Variants in TTLL12 observed in about 807,000 individuals in gnomAD.
TTLL12 encodes tubulin--tyrosine ligase-like protein 12.
In TTLL12, 77 loss-of-function variants were observed where a neutral mutation model predicts 79.6. That is an observed-to-expected ratio of 0.97 (90% CI 0.81 to 1.17). The LOEUF is 1.17. TTLL12 is among the 50% of genes most tolerant of loss of function. TTLL12 has a pLI of 0.00. For synonymous variants in TTLL12, 437 were observed against 376.1 expected, an observed-to-expected ratio of 1.16 and a Z score of -1.87; for missense variants, 969 against 895.9, an observed-to-expected ratio of 1.08 and a Z score of -1.04.
intron 1 of TTLL12, among the ~76,000 whole-genome samples, chr22:43,186,180 A>G (rs1228599849): frequency 7.0e-6 from 1 of 142,654 alleles, no homozygotes; most frequent in African/African-American, 2.7e-5. Context: ...GGTCCCAGCT[A>G]AAGAAAACAC....
At chr22:43,178,411 T>G (rs540831741) in intron 5 of TTLL12, among the ~76,000 whole-genome samples, 10 of 151,260 alleles carry the variant, frequency 6.6e-5, no homozygotes, top group African/African-American at 2.4e-4. Flanking sequence ...AAGCTCCGCC[T>G]CCTGGGTTCA....
In TTLL12 at chr22:43,175,837, T is replaced by TG. The variant is rs1187060499; in HGVS notation, c.917+482_917+483insC. 3.7e-5 allele frequency among the ~76,000 whole-genome samples: 5 copies of TG among 135,942 alleles called. No individual in the cohort carries two copies. The East Asian group carries it at 1.7e-3, about 46-fold the overall frequency. The allele number at this position is 135,942 out of a possible 152,430, so 89.2% of individuals were successfully genotyped here. ...ACAGGCGCCAGCCACCATGCCCTAC[T>TG]AATTTTTTTTTTTTTTTTTTTTGTA... On this transcript the variant is annotated intron_variant, in intron 6 of 13. Transcript: ENST00000216129.
At position 43,171,877 on chromosome 22, in the gene TTLL12, T is replaced by G. The variant is rs773659551; in HGVS notation, c.1517A>C (p.Asp506Ala). Reference sequence around the variant, plus strand: ...GACCGTGAAGTGCTTCTCGTAGTCATCCAGGTCGTTGAGTGCAAAGGCCCT... The same window carrying G: ...GACCGTGAAGTGCTTCTCGTAGTCAGCCAGGTCGTTGAGTGCAAAGGCCCT... ...SNRAFALNDL[D>A]DYEKHFTVMN... The change falls in exon 11 of 14, where the codon GAT becomes GCT. Residue 506 changes from aspartate (D) to alanine (A), a missense_variant. Coordinates refer to ENST00000216129, the MANE Select transcript of TTLL12 (RefSeq NM_015140.4). 21 of 1,614,052 alleles carry G rather than the reference T, an allele frequency of 1.3e-5. No individual in the cohort carries two copies. The highest frequency in any genetic ancestry group is 1.7e-5 in the Admixed American group (1 of 60,006).
Position 43,176,379 on chromosome 22 carries a change from G to A in TTLL12, c.858C>T (p.Asn286=). 3 of 1,605,976 alleles carry A rather than the reference G, an allele frequency of 1.9e-6. No individual in the cohort carries two copies. Among genetic ancestry groups the A allele is most frequent in the Non-Finnish European group, 2.5e-6 (3 of 1,177,278 alleles). Residue 286 remains asparagine (N), a synonymous_variant, in exon 6 of 14, where the codon AAC becomes AAT. Coordinates refer to ENST00000216129, the MANE Select transcript of TTLL12 (RefSeq NM_015140.4). ...AEHYQAILEE[N]KEKLPLDINP... ...TGATGTCAAGTGGCAGCTTCTCCTT[G>A]TTTTCCTCCAGAATGGCCTAAAAGG...
chr22:43,185,210 A>G (rs1423496539), intron 1 of TTLL12, among the ~76,000 whole-genome samples: 1 of 148,582 alleles, frequency 6.7e-6, no homozygotes, highest in African/African-American at 2.5e-5. Context: ...CCTGTGTGAC[A>G]GAGCAAGACT....
intron 6 of TTLL12, chr22:43,175,671 ATTTAT>A (rs1254794682): frequency 3.3e-5 from 5 of 151,780 alleles, no homozygotes; most frequent in South Asian, 2.1e-4. Flanking sequence ...TCAAAGATGA[ATTTAT>A]TTTATTTTTT....
intron 4 of TTLL12, 44 bp from the exon 5 acceptor site, chr22:43,179,796 C>T: frequency 1.3e-6 from 2 of 1,550,244 alleles, no homozygotes; most frequent in African/African-American, 1.4e-5. Context: ...TGACGGGACA[C>T]TGGGCTGAGG....
intron 13 of TTLL12, 124 bp from the exon 14 acceptor site, chr22:43,168,283 G>A (rs1931669733): frequency 3.7e-6 from 5 of 1,353,790 alleles, no homozygotes; most frequent in Admixed American, 2.6e-5. Context: ...CAGGGGATGA[G>A]CAGGACAAGG....
At position 43,174,061 on chromosome 22, in the gene TTLL12, C is replaced by T. The variant is rs550705423; in HGVS notation, c.1229+148G>A. On this transcript the variant is annotated intron_variant, in intron 8 of 13. Transcript: ENST00000216129. ...AAAAACCTGGAGAGGTCCTGCGGTC[C>T]GTGAAGACGGCCGTGACGTTCGGGG... The T allele has an allele frequency of 1.4e-4, 165 of 1,172,196 alleles. 2 individuals are homozygous for T. The South Asian group carries it at 1.9e-3, about 13-fold the overall frequency. 72.6% of individuals were successfully genotyped at this position (1,172,196 alleles called of 1,614,324 possible). A position where few individuals can be genotyped will look rare whatever the true frequency, so the allele number is the denominator to read the frequency against.
chr22:43,173,976 A>ACCCCTCCTTGTTTCC, intron 8 of TTLL12, 150 bp from the exon 9 acceptor site: 1 of 933,450 alleles, frequency 1.1e-6, no homozygotes, highest in Non-Finnish European at 1.6e-6. Flanking sequence ...GGCATGGGAA[A>ACCCCTCCTTGTTTCC]CAAGGAGGGG....
chr22:43,172,347 A>AC (rs1931787120), intron 10 of TTLL12, 56 bp downstream of exon 10: 1 of 1,597,324 alleles, frequency 6.3e-7, no homozygotes, highest in African/African-American at 1.3e-5. Context: ...CCCACCCGCT[A>AC]CCTCCACCCG....
At chr22:43,185,998 G>C in intron 1 of TTLL12, 1 of 985,478 alleles carries the variant, frequency 1.0e-6, no homozygotes, top group Non-Finnish European at 1.2e-6. Context: ...AGTCCAATCA[G>C]GATTACACAG....
intron 2 of TTLL12, among the ~76,000 whole-genome samples, chr22:43,181,996 GATGA>G (rs1932068725): frequency 1.5e-5 from 2 of 129,098 alleles, no homozygotes; most frequent in African/African-American, 2.7e-5. Flanking sequence ...GACTCAGGGG[GATGA>G]AGGCCCGGAA....
rs1287054041 is a variant in TTLL12 at position 43,174,558 on chromosome 22, G to A, written c.975C>T (p.Leu325=). ...ASSLTHPRFT[L]TQSEADADIL... is the part of the protein sequence containing the mutation. ...TGTCGGCGTCCGCCTCACTCTGGGT[G>A]AGGGTGAAGCGCGGGTGGGTGAGGC... is the stretch of plus-strand genomic sequence containing the variant. The change falls in exon 7 of 14, where the codon CTC becomes CTT. Residue 325 remains leucine (L), a synonymous_variant. Coordinates refer to ENST00000216129, the MANE Select transcript of TTLL12 (RefSeq NM_015140.4). 1.2e-6 allele frequency: 2 copies of A among 1,613,596 alleles called. No homozygotes were observed. Among genetic ancestry groups the A allele is most frequent in the Non-Finnish European group, 1.7e-6 (2 of 1,179,858 alleles).
intron 6 of TTLL12, chr22:43,175,577 C>A (rs8142409): frequency 6.6e-6 from 1 of 152,230 alleles, no homozygotes; most frequent in African/African-American, 2.4e-5. Flanking sequence ...GGGATGGGGA[C>A]CAGTGGTGGC....
At position 43,169,498 on chromosome 22, in the gene TTLL12, A is replaced by T; in HGVS notation, c.1644+2T>A. On this transcript the variant is annotated splice_donor_variant, in intron 12 of 13. Coordinates refer to ENST00000216129, the MANE Select transcript of TTLL12 (RefSeq NM_015140.4). LOFTEE classifies it high-confidence loss of function. ...TGCGATGGTGTGCAGGACAGGAATT[A>T]CCTGGACGTCCGTCCAGGGAAATTC... is the stretch of plus-strand genomic sequence containing the variant. 6.3e-7 allele frequency: 1 copy of T among 1,593,030 alleles called. No individual in the cohort carries two copies. The highest frequency in any genetic ancestry group is 2.2e-5 in the East Asian group (1 of 44,612).
At chr22:43,170,421 A>C in intron 11 of TTLL12, 1 of 159,102 alleles carries the variant, frequency 6.3e-6, no homozygotes, top group South Asian at 1.8e-4. Context: ...CTCCTAGAGG[A>C]CTCCTCGGAC....
chr22:43,171,338 AC>A (rs962902068), intron 11 of TTLL12, among the ~76,000 whole-genome samples: 1 of 152,096 alleles, frequency 6.6e-6, no homozygotes, highest in Non-Finnish European at 1.5e-5. Flanking sequence ...GCTGCCATTC[AC>A]TGAGTGCCCA....
intron 9 of TTLL12, among the ~76,000 whole-genome samples, chr22:43,172,863 A>G (rs1195924432): frequency 6.6e-6 from 1 of 151,684 alleles, no homozygotes. Context: ...ACCCCCAGCT[A>G]ATTTCTGTAT....
Sources: allele counts gnomAD v4.1 joint callset (sites outside exome capture counted in the v4.1 genomes callset), GRCh38; gene constraint gnomAD v4.1.1; transcripts MANE v1.5; gene names NCBI Gene and HGNC (gene_info 2026-07-23, HGNC 2026-07-21).